The following SYT1 variants were observed in gnomAD, a reference collection of about 807,000 sequenced individuals.
The protein encoded by SYT1 is synaptotagmin 1, also known as synaptotagmin-1.
A neutral mutation model predicts 44.8 loss-of-function variants in SYT1; 8 were observed. That is an observed-to-expected ratio of 0.18 (90% CI 0.10 to 0.32). The LOEUF (loss-of-function observed/expected upper bound fraction) is 0.32, where lower values mean the gene tolerates loss of function less well. SYT1 is among the 10% of genes least tolerant of loss of function. The pLI is 1.00. For synonymous variants in SYT1, 154 were observed against 188.8 expected, an observed-to-expected ratio of 0.82 and a Z score of 1.51; for missense variants, 286 against 509.3, an observed-to-expected ratio of 0.56 and a Z score of 4.22.
At chr12:78,882,834 T>C (rs1365904400) in intron 1 of SYT1, among the ~76,000 whole-genome samples, 1 of 151,758 alleles carries the variant, frequency 6.6e-6, no homozygotes, top group East Asian at 1.9e-4. Flanking sequence ...TATCCAATTG[T>C]TTTGATAATC....
intron 3 of SYT1, among the ~76,000 whole-genome samples, chr12:79,184,830 A>T (rs1872720285): frequency 6.6e-6 from 1 of 152,080 alleles, no homozygotes; most frequent in Non-Finnish European, 1.5e-5. Flanking sequence ...CATCATCTTT[A>T]TTAACATGCA....
intron 3 of SYT1, among the ~76,000 whole-genome samples, chr12:79,191,014 T>C (rs1224703630): frequency 6.6e-6 from 1 of 152,030 alleles, no homozygotes; most frequent in Non-Finnish European, 1.5e-5. Context: ...ATGTGAGTCT[T>C]GGAGCAGAGA....
chr12:79,224,324 T>C (rs1875355550), intron 4 of SYT1, among the ~76,000 whole-genome samples: 1 of 152,056 alleles, frequency 6.6e-6, no homozygotes, highest in South Asian at 2.1e-4. Context: ...TAGAAATTAA[T>C]AAAGAGGAAA....
chr12:79,224,235 A>G (rs528556355), intron 4 of SYT1, among the ~76,000 whole-genome samples: 7 of 152,320 alleles, frequency 4.6e-5, no homozygotes, highest in African/African-American at 1.7e-4. Flanking sequence ...AATACTTACT[A>G]TGTACTAGGC....
At chr12:79,241,833 C>T (rs1304492375) in intron 4 of SYT1, among the ~76,000 whole-genome samples, 1 of 151,740 alleles carries the variant, frequency 6.6e-6, no homozygotes, top group Non-Finnish European at 1.5e-5. Flanking sequence ...TTTTGAAGAT[C>T]GAATCAAGTT....
chr12:79,040,273 C>A (rs1165002137), intron 2 of SYT1, among the ~76,000 whole-genome samples: 1 of 151,466 alleles, frequency 6.6e-6, no homozygotes, highest in African/African-American at 2.4e-5. Flanking sequence ...TCCACATCCT[C>A]TCCAGCACCT....
chr12:79,253,510 TCTCTCTCTCTCTC>T (rs1877346719), intron 4 of SYT1, among the ~76,000 whole-genome samples: 3 of 151,606 alleles, frequency 2.0e-5, no homozygotes, highest in African/African-American at 7.3e-5. Flanking sequence ...TCTCTCTCTC[TCTCTCTCTCTCTC>T]TCACCTCAGA....
intron 2 of SYT1, among the ~76,000 whole-genome samples, chr12:79,041,527 G>A (rs914054771): frequency 6.6e-6 from 1 of 152,106 alleles, no homozygotes; most frequent in Non-Finnish European, 1.5e-5. Flanking sequence ...ATTTTGGGCT[G>A]AGACAATGGG....
intron 1 of SYT1, among the ~76,000 whole-genome samples, chr12:78,944,142 A>G (rs1230439448): frequency 6.6e-6 from 1 of 151,780 alleles, no homozygotes; most frequent in East Asian, 1.9e-4. Flanking sequence ...GAAGGAATAT[A>G]CGCTAAAAGA....
intron 9 of SYT1, among the ~76,000 whole-genome samples, chr12:79,432,956 A>G: frequency 6.6e-6 from 1 of 152,162 alleles, no homozygotes; most frequent in East Asian, 1.9e-4. Flanking sequence ...AGACGTTTTC[A>G]GCTAAGAAAA....
chr12:78,933,789 T>C (rs1234745072), intron 1 of SYT1, among the ~76,000 whole-genome samples: 1 of 152,126 alleles, frequency 6.6e-6, no homozygotes, highest in Admixed American at 6.6e-5. Context: ...AATCCTTGTT[T>C]TACCTCATCA....
chr12:79,299,596 C>T, intron 8 of SYT1, 45 bp downstream of exon 8: 11 of 1,594,396 alleles, frequency 6.9e-6, no homozygotes, highest in Non-Finnish European at 9.4e-6. Flanking sequence ...CTGTACTCGC[C>T]AGTTGCTGCT....
intron 9 of SYT1, among the ~76,000 whole-genome samples, chr12:79,380,322 C>T (rs1178872413): frequency 1.3e-5 from 2 of 152,210 alleles, no homozygotes; most frequent in East Asian, 3.8e-4. Context: ...GTGTGTTCCT[C>T]AAGCACATTC....
rs543192691 is a variant in SYT1, at chr12:78,895,348, T to A, written c.-217+30239T>A. Among the ~76,000 whole-genome samples the A allele has an allele frequency of 4.6e-5, 7 of 151,868 alleles. No homozygotes were observed. The East Asian group carries it at 9.7e-4, about 21-fold the overall frequency. ...AAAAATTCTTCAACTATAATGTTTA[T>A]TCTGTCAAATGCATAATGTAAAATA... On this transcript the variant is annotated intron_variant, in intron 1 of 10. Transcript: ENST00000261205.
chr12:79,117,007 C>A (rs1325513157), intron 3 of SYT1, among the ~76,000 whole-genome samples: 1 of 152,094 alleles, frequency 6.6e-6, no homozygotes, highest in Non-Finnish European at 1.5e-5. Flanking sequence ...AATGAGGAAG[C>A]CATGGTACAA....
At chr12:79,421,770 A>C (rs891017229) in intron 9 of SYT1, among the ~76,000 whole-genome samples, 12 of 151,432 alleles carry the variant, frequency 7.9e-5, no homozygotes, top group African/African-American at 2.4e-4. Flanking sequence ...TGTTTTCTCA[A>C]ATTCCCAAGG....
chr12:79,388,647 G>T (rs1884534602), intron 9 of SYT1, among the ~76,000 whole-genome samples: 1 of 152,172 alleles, frequency 6.6e-6, no homozygotes, highest in Non-Finnish European at 1.5e-5. Flanking sequence ...GGATGTGGCG[G>T]TTGCAATGAG....
intron 1 of SYT1, among the ~76,000 whole-genome samples, chr12:78,974,897 T>C (rs1296447532): frequency 6.6e-6 from 1 of 152,080 alleles, no homozygotes; most frequent in African/African-American, 2.4e-5. Flanking sequence ...TCCAGAGGCT[T>C]CTCGTGATCC....
intron 3 of SYT1, among the ~76,000 whole-genome samples, chr12:79,201,487 A>G (rs868096862): frequency 2.0e-5 from 3 of 152,224 alleles, no homozygotes; most frequent in East Asian, 3.8e-4. Context: ...AGTTAGCCAT[A>G]TTCCAGGATC....
Sources: allele counts gnomAD v4.1 joint callset (sites outside exome capture counted in the v4.1 genomes callset), GRCh38; gene constraint gnomAD v4.1.1; transcripts MANE v1.5; gene names NCBI Gene and HGNC (gene_info 2026-07-23, HGNC 2026-07-21).